DNAH1: variants seen among roughly 807,000 people sequenced by gnomAD.
DNAH1 encodes the protein dynein axonemal heavy chain 1.
Under a neutral mutation model 484.3 loss-of-function variants are expected in DNAH1, and 327 were observed. The ratio of observed to expected loss-of-function variants is 0.68; its 90% CI spans 0.62 to 0.74. The LOEUF is 0.74. Ranked by LOEUF, DNAH1 falls within the 30% of genes least tolerant of loss-of-function variation. The pLI, the probability that DNAH1 is intolerant of heterozygous loss-of-function variation, is 0.00. For synonymous variants in DNAH1, 2,192 were observed against 2,191.9 expected (o/e 1.00, Z 0.00); for missense variants, 5,052 against 5,546.8 (o/e 0.91, Z 2.83).
chr3:52,348,559 T>C (rs1190956162), intron 12 of DNAH1, among the ~76,000 whole-genome samples: 1 of 152,192 alleles, frequency 6.6e-6, no homozygotes, highest in Non-Finnish European at 1.5e-5. Context: ...GCTGGTCAGT[T>C]AGAGCCTTCA....
Position 52,358,724 on chromosome 3 carries a change from G to A in DNAH1, c.4253G>A (p.Arg1418Lys), listed in dbSNP as rs1208411204. ...CACGACATCATTGAGAAGGCCATCAGGGCCTACCCCACGGTGAGCCGCCCG... is the reference window on the plus strand; with the variant it reads ...CACGACATCATTGAGAAGGCCATCAAGGCCTACCCCACGGTGAGCCGCCCG... ...SVHDIIEKAI[R>K]AYPTMPRTQW... Residue 1418 changes from arginine (R) to lysine (K), a missense_variant, in exon 25 of 78, where the codon AGG becomes AAG. Coordinates refer to ENST00000420323, the MANE Select transcript of DNAH1 (RefSeq NM_015512.5). This position sits in a 1 kb window ranked among gnomAD's most constrained non-coding sequence, Gnocchi z 4.2. 6.2e-7 allele frequency: 1 copy of A among 1,612,662 alleles called. No individual in the cohort carries two copies. Among genetic ancestry groups the A allele is most frequent in the Admixed American group, 1.7e-5 (1 of 60,002 alleles).
Position 52,388,483 on chromosome 3 carries a change from G to A in DNAH1, c.9237G>A (p.Gln3079=), listed in dbSNP as rs1251008727. The change falls in exon 58 of 78, where the codon CAG becomes CAA. Residue 3079 remains glutamine, a synonymous_variant. Coordinates refer to ENST00000420323, the MANE Select transcript of DNAH1 (RefSeq NM_015512.5). The stretch of plus-strand genomic sequence containing the variant: ...AGAGGATCCTGGATGAGGCAAAACA[G>A]CGCCTTCGTGAGGTGGAGGACGGCA... ...VTQRILDEAK[Q]RLREVEDGIA... is the part of the protein sequence containing the mutation. The A allele has an allele frequency of 6.2e-7, 1 of 1,612,658 alleles. No homozygotes were observed. The highest frequency in any genetic ancestry group is 8.5e-7 in the Non-Finnish European group (1 of 1,179,400).
At chr3:52,374,880 C>G (rs1383998871) in intron 44 of DNAH1, 3 of 1,081,406 alleles carry the variant, frequency 2.8e-6, no homozygotes, top group Non-Finnish European at 4.2e-6. Flanking sequence ...CAAAGCCAAT[C>G]CCCAGGTACT....
rs774864208 is a variant in DNAH1, at chr3:52,397,796, G to A, written c.11877G>A (p.Gln3959=). The part of the protein sequence containing the change: ...LHDNANITFA[Q]NETFALLGTI... ...ACAATGCCAACATCACCTTTGCCCA[G>A]AACGAGACGTTCGCCCTCCTGGGCA... Residue 3959 remains glutamine, a synonymous_variant, in exon 74 of 78, where the codon CAG becomes CAA. Transcript: ENST00000420323. 1.9e-6 allele frequency: 3 copies of A among 1,613,748 alleles called. No homozygotes were observed. The highest frequency in any genetic ancestry group is 2.2e-5 in the South Asian group (2 of 91,058).
chr3:52,359,155 G>A (rs1293001815), intron 25 of DNAH1, 91 bp from the exon 26 acceptor site: 2 of 1,502,830 alleles, frequency 1.3e-6, no homozygotes, highest in Admixed American at 2.1e-5. Flanking sequence ...AAGTCTGAAA[G>A]GCCAGAGCAC....
chr3:52,380,367 C>T (rs1703791448), intron 48 of DNAH1, among the ~76,000 whole-genome samples: 1 of 152,082 alleles, frequency 6.6e-6, no homozygotes. Context: ...CTGAGATGGG[C>T]TCTAGACACA....
In DNAH1 at chr3:52,364,527, T is replaced by C; in HGVS notation, c.5245-111T>C. ...CCCAGCAGGTCTGCAAGGGAAGTGC[T>C]ATGAGCTGGTGATGAGACTTGGCCA... On this transcript the variant is annotated intron_variant, in intron 32 of 77. Transcript: ENST00000420323. The surrounding 1 kb of genome is among the most constrained non-coding windows in gnomAD (Gnocchi z 4.2). 3 of 1,223,584 alleles carry C rather than the reference T, an allele frequency of 2.5e-6. No individual in the cohort carries two copies. Among genetic ancestry groups the C allele is most frequent in the Non-Finnish European group, 3.6e-6 (3 of 831,878 alleles). The allele number at this position is 1,223,584 out of a possible 1,614,324, so 75.8% of individuals were successfully genotyped here. A position where few individuals can be genotyped will look rare whatever the true frequency, so the allele number is the denominator to read the frequency against.
chr3:52,363,573 C>T (rs574618016), intron 32 of DNAH1, among the ~76,000 whole-genome samples: 1 of 152,332 alleles, frequency 6.6e-6, no homozygotes, highest in African/African-American at 2.4e-5. Flanking sequence ...AGCCCAGATT[C>T]CAAGGACAGA....
Position 52,379,348 on chromosome 3 carries a change from A to G in DNAH1, c.7378-557A>G, listed in dbSNP as rs1348847790. Among the ~76,000 whole-genome samples the G allele has an allele frequency of 2.6e-5, 4 of 152,290 alleles. No individual in the cohort carries two copies. The highest frequency in any genetic ancestry group is 6.8e-3 in the Middle Eastern group (2 of 294). On this transcript the variant is annotated intron_variant, in intron 47 of 77. Transcript: ENST00000420323. This position sits in a 1 kb window ranked among gnomAD's most constrained non-coding sequence, Gnocchi z 4.4. Reference sequence around the variant, plus strand: ...GGACAGAAGCTGACCCTGGCCTTGTAGCCACGCTTGTAGCCAACAAAGTCT... The same window carrying G: ...GGACAGAAGCTGACCCTGGCCTTGTGGCCACGCTTGTAGCCAACAAAGTCT...
chr3:52,326,139 G>A lies in DNAH1; in HGVS notation c.407-1G>A, dbSNP rs1381441829. On this transcript the variant is annotated splice_acceptor_variant, in intron 3 of 77. Coordinates refer to ENST00000420323, the MANE Select transcript of DNAH1 (RefSeq NM_015512.5). LOFTEE classifies it high-confidence loss of function. ...GCCCCTGCCCCTGCTTCTACCTGCA[G>A]TCGGAAGCTTTGAGGTTCCTGAAGA... 6.3e-7 allele frequency: 1 copy of A among 1,593,262 alleles called. No individual in the cohort carries two copies.
At chr3:52,370,400 AC>A in intron 39 of DNAH1, 76 bp from the exon 40 acceptor site, 1 of 1,593,222 alleles carries the variant, frequency 6.3e-7, no homozygotes, top group Non-Finnish European at 8.6e-7. Flanking sequence ...AGAGGTCAAG[AC>A]ATGCCCCTGC....
Position 52,364,611 on chromosome 3 carries a change from C to G in DNAH1, c.5245-27C>G. The G allele has an allele frequency of 6.2e-7, 1 of 1,613,010 alleles. No homozygotes were observed. ...AAGCCTTGGAGAGGGACAGTGCTCA[C>G]CCATGCCTCCTTCTGTATGGCGACA... On this transcript the variant is annotated intron_variant, in intron 32 of 77. Transcript: ENST00000420323. The surrounding 1 kb of genome is among the most constrained non-coding windows in gnomAD (Gnocchi z 4.2).
chr3:52,367,968 G>A (rs368211915), intron 36 of DNAH1, among the ~76,000 whole-genome samples: 1 of 152,252 alleles, frequency 6.6e-6, no homozygotes, highest in African/African-American at 2.4e-5. Flanking sequence ...GTTAAGGGGA[G>A]AGACTGGGCT....
Position 52,358,799 on chromosome 3 carries a change from CCCTCCTGCTCTAGCCGG to C in DNAH1, c.4266+67_4266+83del. ...GCACCCCTCTGCTCCCTCTCAGTGC[CCCTCCTGCTCTAGCCGG>C]CCTCGTCCTCAGGCTGCAGCCCTGA... On this transcript the variant is annotated intron_variant, in intron 25 of 77. Coordinates refer to ENST00000420323, the MANE Select transcript of DNAH1 (RefSeq NM_015512.5). This position sits in a 1 kb window ranked among gnomAD's most constrained non-coding sequence, Gnocchi z 4.2. The C allele has an allele frequency of 6.3e-7, 1 of 1,585,794 alleles. No individual in the cohort carries two copies. The highest frequency in any genetic ancestry group is 8.6e-7 in the Non-Finnish European group (1 of 1,166,322).
In DNAH1 at chr3:52,374,854, A is replaced by G; in HGVS notation, c.6986-386A>G. 6.3e-6 allele frequency: 7 copies of G among 1,111,772 alleles called. No homozygotes were observed. The South Asian group carries it at 8.8e-5, about 14-fold the overall frequency. 68.9% of individuals were successfully genotyped at this position (1,111,772 alleles called of 1,614,324 possible). On this transcript the variant is annotated intron_variant, in intron 44 of 77. Coordinates refer to ENST00000420323, the MANE Select transcript of DNAH1 (RefSeq NM_015512.5). ...GAAGTACGAGAAGAAGCATGGGTTA[A>G]AATAGAAAATCTAGCCAAAGCCAAT...
Position 52,362,566 on chromosome 3 carries a change from G to A in DNAH1, c.5094+65G>A. 1 of 1,394,562 alleles carries A rather than the reference G, an allele frequency of 7.2e-7. No homozygotes were observed. Among genetic ancestry groups the A allele is most frequent in the South Asian group, 1.2e-5 (1 of 82,132 alleles). 86.4% of individuals were successfully genotyped at this position (1,394,562 alleles called of 1,614,324 possible). On this transcript the variant is annotated intron_variant, in intron 31 of 77. Transcript: ENST00000420323. This position sits in a 1 kb window ranked among gnomAD's most constrained non-coding sequence, Gnocchi z 5.1. ...TCTAGCCTGAGTTCAGAGATGCTAA[G>A]CCACTTATGCAAGGACACAGTTGCT...
chr3:52,371,846 C>A (rs1391230384), intron 41 of DNAH1, 100 bp from the exon 42 acceptor site: 1 of 1,517,614 alleles, frequency 6.6e-7, no homozygotes, highest in Non-Finnish European at 8.8e-7. Flanking sequence ...AAAGCCCAGC[C>A]GTGCAGCTCC....
chr3:52,345,124 A>C (rs1702092125), intron 9 of DNAH1, among the ~76,000 whole-genome samples: 1 of 152,170 alleles, frequency 6.6e-6, no homozygotes, highest in African/African-American at 2.4e-5. Context: ...TGGGCATTCC[A>C]AGAGGTTCTG....
At position 52,347,970 on chromosome 3, in the gene DNAH1, A is replaced by G. The variant is rs746383800; in HGVS notation, c.2102A>G (p.Glu701Gly). The G allele has an allele frequency of 2.5e-6, 4 of 1,607,924 alleles. No individual in the cohort carries two copies. Among genetic ancestry groups the G allele is most frequent in the Non-Finnish European group, 3.4e-6 (4 of 1,177,290 alleles). The change falls in exon 12 of 78, where the codon GAG becomes GGG. Residue 701 changes from glutamate to glycine, a missense_variant. By Grantham distance (98) the Glu-to-Gly change is moderately conservative. Around this residue, in one of 4 missense-constraint regions of DNAH1, gnomAD observed 1,263 missense variants for 1,218.8 expected, o/e 1.04. Transcript: ENST00000420323. ...ILATHAVPQL[E>G]KLVMEDIFIS... is the part of the protein sequence containing the mutation. ...GCCACCCATGCCGTGCCCCAGCTGG[A>G]GAAGGTACGTGCTGCAGCCTGAGCA...
Sources: gnomAD v4.1 joint callset for allele counts (sites outside exome capture counted in the v4.1 genomes callset) on GRCh38, gnomAD v4.1.1 for gene constraint, gnomAD v4.1.1 regional missense constraint, Gnocchi (gnomAD v3.1) non-coding constraint, MANE v1.5 for transcripts, NCBI Gene and HGNC (gene_info 2026-07-23, HGNC 2026-07-21) for gene names.